Variants in LRP1B observed in about 807,000 individuals in gnomAD.
The protein encoded by LRP1B is LDL receptor related protein 1B.
In LRP1B, 217 loss-of-function variants were observed where a neutral mutation model predicts 556.6. That is an observed-to-expected ratio of 0.39 (90% confidence interval 0.35 to 0.44). The LOEUF is 0.44. LRP1B is among the 20% of genes least tolerant of loss of function. The pLI, the probability that LRP1B is intolerant of heterozygous loss-of-function variation, is 1.00. For missense variants in LRP1B, 5,053 were observed against 5,620.8 expected (o/e 0.90, Z 3.23); for synonymous variants, 2,047 against 1,865.8 (o/e 1.10, Z -2.50).
intron 3 of LRP1B, among the ~76,000 whole-genome samples, chr2:141,359,653 G>A (rs1271390764): frequency 2.0e-5 from 3 of 152,134 alleles, no homozygotes; most frequent in Non-Finnish European, 4.4e-5. Context: ...CTACTTGGGA[G>A]GCTGAGGCAG....
chr2:141,341,664 T>C (rs1010497181), intron 3 of LRP1B, among the ~76,000 whole-genome samples: 6 of 152,174 alleles, frequency 3.9e-5, no homozygotes, highest in Admixed American at 2.0e-4. Flanking sequence ...ACCATATAAC[T>C]CATCCCCAAA....
At chr2:140,775,290 A>G (rs928970850) in intron 33 of LRP1B, among the ~76,000 whole-genome samples, 4 of 151,810 alleles carry the variant, frequency 2.6e-5, no homozygotes, top group African/African-American at 9.7e-5. Flanking sequence ...TTGGTTTTCT[A>G]TTATTACCCC....
chr2:141,237,902 A>C (rs114822841), intron 5 of LRP1B, among the ~76,000 whole-genome samples: 2,401 of 152,272 alleles, frequency 0.016, 77 homozygotes, highest in African/African-American at 0.055. Flanking sequence ...TGTTTAGTAC[A>C]TGAATGAAAT....
chr2:141,472,644 C>T (rs1157760204), intron 3 of LRP1B, among the ~76,000 whole-genome samples: 3 of 152,128 alleles, frequency 2.0e-5, no homozygotes, highest in Non-Finnish European at 2.9e-5. Context: ...TACAGAAAAG[C>T]TGTGATAAAA....
chr2:140,928,595 G>A (rs957794509), intron 20 of LRP1B, among the ~76,000 whole-genome samples: 1 of 152,050 alleles, frequency 6.6e-6, no homozygotes, highest in Admixed American at 6.6e-5. Flanking sequence ...ATAGCATAGG[G>A]CCCCATCTTA....
intron 77 of LRP1B, among the ~76,000 whole-genome samples, chr2:140,338,067 C>T (rs192096502): frequency 9.9e-5 from 14 of 141,320 alleles, no homozygotes; most frequent in Non-Finnish European, 1.5e-4. Context: ...ATTAGAAAAA[C>T]GAAAAAAAAA....
intron 32 of LRP1B, among the ~76,000 whole-genome samples, chr2:140,791,421 C>G (rs1450536350): frequency 1.3e-5 from 2 of 151,550 alleles, no homozygotes; most frequent in African/African-American, 2.4e-5. Flanking sequence ...AGAGTGAGAC[C>G]CTGTCTCTAA....
At chr2:141,158,809 G>C (rs528589653) in intron 7 of LRP1B, among the ~76,000 whole-genome samples, 1 of 152,112 alleles carries the variant, frequency 6.6e-6, no homozygotes, top group South Asian at 2.1e-4. Flanking sequence ...AATTTTGAGT[G>C]CCAGCTCCTC....
chr2:142,080,420 GGTT>G (rs1705666633), intron 1 of LRP1B, among the ~76,000 whole-genome samples: 1 of 151,890 alleles, frequency 6.6e-6, no homozygotes, highest in South Asian at 2.1e-4. Flanking sequence ...GAAACTGTGG[GGTT>G]TTTAAAGGGA....
intron 35 of LRP1B, among the ~76,000 whole-genome samples, chr2:140,728,992 A>G (rs2105492784): frequency 6.6e-6 from 1 of 152,166 alleles, no homozygotes; most frequent in Non-Finnish European, 1.5e-5. Context: ...ATAACAAAAT[A>G]AGATATGTAG....
chr2:141,748,272 A>C (rs1693982134), intron 2 of LRP1B, among the ~76,000 whole-genome samples: 1 of 152,142 alleles, frequency 6.6e-6, no homozygotes, highest in South Asian at 2.1e-4. Context: ...TATTTTATAG[A>C]ATTTTTGTGA....
intron 2 of LRP1B, among the ~76,000 whole-genome samples, chr2:141,798,933 G>A (rs1227623258): frequency 6.6e-6 from 1 of 151,724 alleles, no homozygotes; most frequent in Non-Finnish European, 1.5e-5. Flanking sequence ...GAGAAGATGA[G>A]ACTAGGACAC....
chr2:140,306,961 T>A (rs1419852521), intron 83 of LRP1B, among the ~76,000 whole-genome samples: 1 of 151,982 alleles, frequency 6.6e-6, no homozygotes, highest in East Asian at 1.9e-4. Context: ...AAGGTCTATA[T>A]TTTATTTAAA....
chr2:141,226,895 C>T (rs939326042), intron 6 of LRP1B, among the ~76,000 whole-genome samples: 1 of 152,128 alleles, frequency 6.6e-6, no homozygotes, highest in Non-Finnish European at 1.5e-5. Flanking sequence ...TATTTAATCA[C>T]TTTTTTCTAA....
chr2:140,925,813 T>C (rs1438147039), intron 20 of LRP1B, among the ~76,000 whole-genome samples: 4 of 152,190 alleles, frequency 2.6e-5, no homozygotes, highest in Non-Finnish European at 5.9e-5. Context: ...AGTTGACAGC[T>C]ACTACCTGCT....
chr2:142,018,332 AG>A (rs1703218858), intron 1 of LRP1B, among the ~76,000 whole-genome samples: 1 of 152,188 alleles, frequency 6.6e-6, no homozygotes, highest in South Asian at 2.1e-4. Context: ...AATAACCAAA[AG>A]TCAGCCATAT....
At chr2:140,392,212 T>G (rs189617623) in intron 66 of LRP1B, among the ~76,000 whole-genome samples, 3,110 of 147,650 alleles carry the variant, frequency 0.021, 38 homozygotes, top group African/African-American at 0.031. Flanking sequence ...AAAGTTTTTG[T>G]TTTTCTTTTA....
chr2:141,471,283 T>TTTGTTTTTG (rs1559089500), intron 3 of LRP1B, among the ~76,000 whole-genome samples: 5 of 148,952 alleles, frequency 3.4e-5, no homozygotes, highest in South Asian at 4.3e-4. Context: ...TTTTTTTTTT[T>TTTGTTTTTG]TTTTTTTTTT....
At chr2:141,643,644 C>A (rs79863754) in intron 2 of LRP1B, among the ~76,000 whole-genome samples, 51 of 152,070 alleles carry the variant, frequency 3.4e-4, no homozygotes, top group Admixed American at 2.3e-3. Flanking sequence ...TTTTGTCCCA[C>A]AAAAGTAGAA....
Sources: allele counts gnomAD v4.1 joint callset (sites outside exome capture counted in the v4.1 genomes callset), GRCh38; gene constraint gnomAD v4.1.1; transcripts MANE v1.5; gene names NCBI Gene and HGNC (gene_info 2026-07-23, HGNC 2026-07-21).